PIBF1: variants seen among roughly 807,000 people sequenced by gnomAD.
PIBF1 encodes the protein progesterone-induced-blocking factor 1.
PIBF1 carries 90 observed loss-of-function variants against 112.5 expected under a neutral mutation model. The ratio of observed to expected loss-of-function variants is 0.80; its 90% CI spans 0.67 to 0.95. The LOEUF is 0.95. Ranked by LOEUF, PIBF1 falls within the 40% of genes least tolerant of loss-of-function variation. The pLI, the probability that PIBF1 is intolerant of heterozygous loss-of-function variation, is 0.00. For synonymous variants in PIBF1, 301 were observed against 288.6 expected (o/e 1.04, Z -0.44); for missense variants, 915 against 852.3 (o/e 1.07, Z -0.92).
intron 16 of PIBF1, among the ~76,000 whole-genome samples, chr13:72,987,078 A>C (rs890646208): frequency 3.3e-5 from 5 of 152,214 alleles, no homozygotes; most frequent in African/African-American, 1.2e-4. Context: ...TTCTAGGCCC[A>C]AAAATTTTCA....
intron 10 of PIBF1, among the ~76,000 whole-genome samples, chr13:72,888,321 T>G (rs1004664501): frequency 2.0e-5 from 3 of 152,112 alleles, no homozygotes; most frequent in African/African-American, 7.2e-5. Context: ...AAAGCATAAT[T>G]CATATGTAAT....
intron 10 of PIBF1, among the ~76,000 whole-genome samples, chr13:72,854,614 C>T (rs954314604): frequency 2.6e-5 from 4 of 152,096 alleles, no homozygotes; most frequent in Non-Finnish European, 5.9e-5. Context: ...TTTTATTCAC[C>T]TGTCAATGGT....
intron 14 of PIBF1, among the ~76,000 whole-genome samples, chr13:72,937,518 T>C (rs1008622173): frequency 5.9e-5 from 9 of 152,188 alleles, no homozygotes; most frequent in Non-Finnish European, 1.3e-4. Flanking sequence ...CTGCTATTAT[T>C]ACTTAAACAG....
chr13:72,966,925 A>C lies in PIBF1; in HGVS notation c.1964+1521A>C, dbSNP rs548152168. On this transcript the variant is annotated intron_variant, in intron 15 of 17. Coordinates refer to ENST00000326291, the MANE Select transcript of PIBF1 (RefSeq NM_006346.4). ...CTCTGTCTCAAAAAAATTAAAATTA[A>C]AATTAAATTTTGAATCTTTTTTTTT... is the stretch of plus-strand genomic sequence containing the variant. Among the ~76,000 whole-genome samples the C allele has an allele frequency of 5.3e-5, 8 of 150,624 alleles. No individual in the cohort carries two copies. The East Asian group carries it at 1.5e-3, about 29-fold the overall frequency.
chr13:72,790,421 T>TCACACACA (rs57599910), intron 2 of PIBF1, among the ~76,000 whole-genome samples: 7,496 of 135,494 alleles, frequency 0.055, 243 homozygotes, highest in Non-Finnish European at 0.069. Context: ...GAGGAGTCCA[T>TCACACACA]CACACACACA....
chr13:72,980,094 C>G (rs2043119827), intron 16 of PIBF1, among the ~76,000 whole-genome samples: 1 of 151,932 alleles, frequency 6.6e-6, no homozygotes, highest in Non-Finnish European at 1.5e-5. Flanking sequence ...AAGAAAAGTT[C>G]AAGAAAATAT....
intron 2 of PIBF1, among the ~76,000 whole-genome samples, chr13:72,787,878 T>C (rs1434899342): frequency 1.3e-5 from 2 of 152,162 alleles, no homozygotes; most frequent in Non-Finnish European, 2.9e-5. Context: ...CAGGCTGGTC[T>C]CGAACTCCTG....
intron 10 of PIBF1, among the ~76,000 whole-genome samples, chr13:72,884,231 T>G (rs948561885): frequency 2.0e-5 from 3 of 152,218 alleles, no homozygotes; most frequent in Admixed American, 2.0e-4. Context: ...GTTAGACTCC[T>G]TTCCTTCGTA....
intron 17 of PIBF1, among the ~76,000 whole-genome samples, chr13:73,006,138 C>T (rs560747388): frequency 2.4e-4 from 36 of 151,980 alleles, no homozygotes; most frequent in African/African-American, 7.0e-4. Flanking sequence ...ATGCTGGTCT[C>T]GAACTCTTGA....
intron 11 of PIBF1, among the ~76,000 whole-genome samples, chr13:72,894,792 T>C (rs1333075473): frequency 1.3e-5 from 2 of 148,588 alleles, no homozygotes; most frequent in Non-Finnish European, 3.0e-5. Flanking sequence ...TGTGTGTGTG[T>C]GTGTGTGTGT....
chr13:72,834,106 C>T (rs1045925989), intron 8 of PIBF1, among the ~76,000 whole-genome samples: 2 of 152,096 alleles, frequency 1.3e-5, no homozygotes, highest in Non-Finnish European at 1.5e-5. Context: ...GAAAGTATCT[C>T]TATAGAAGTA....
intron 15 of PIBF1, among the ~76,000 whole-genome samples, chr13:72,967,334 T>C (rs2042770193): frequency 6.6e-6 from 1 of 152,214 alleles, no homozygotes. Context: ...TTCACAGTTA[T>C]CTCCAAACAA....
At chr13:72,968,304 C>G (rs368243335) in intron 15 of PIBF1, among the ~76,000 whole-genome samples, 9 of 143,406 alleles carry the variant, frequency 6.3e-5, no homozygotes, top group Non-Finnish European at 1.1e-4. Context: ...TCTTTTTTTT[C>G]TTTTCTTTTC....
intron 10 of PIBF1, among the ~76,000 whole-genome samples, chr13:72,862,377 G>T (rs1244536922): frequency 1.3e-5 from 2 of 152,222 alleles, no homozygotes; most frequent in Non-Finnish European, 2.9e-5. Context: ...GCTGAGGCAA[G>T]AGAATCGCTA....
chr13:72,948,130 C>T (rs1049629701), intron 14 of PIBF1, among the ~76,000 whole-genome samples: 1 of 150,748 alleles, frequency 6.6e-6, no homozygotes, highest in Admixed American at 6.6e-5. Context: ...CTAGTGTAGA[C>T]GAGTTGATGG....
intron 9 of PIBF1, among the ~76,000 whole-genome samples, chr13:72,842,167 A>G (rs960030427): frequency 2.0e-5 from 3 of 152,184 alleles, no homozygotes; most frequent in Non-Finnish European, 4.4e-5. Flanking sequence ...TTAGGTTATG[A>G]GATAATAAGG....
At chr13:72,952,564 T>C (rs1234613089) in intron 14 of PIBF1, among the ~76,000 whole-genome samples, 1 of 152,092 alleles carries the variant, frequency 6.6e-6, no homozygotes, top group Non-Finnish European at 1.5e-5. Flanking sequence ...TTTTCTGGTT[T>C]CTTCTTATTG....
chr13:72,838,981 ACAGAAG>A (rs1057448136), intron 9 of PIBF1, among the ~76,000 whole-genome samples: 5 of 152,208 alleles, frequency 3.3e-5, no homozygotes, highest in African/African-American at 1.2e-4. Context: ...AAGAGATGAA[ACAGAAG>A]CAGGAAATGG....
chr13:72,953,881 G>A (rs527933071), intron 14 of PIBF1, among the ~76,000 whole-genome samples: 161 of 152,134 alleles, frequency 1.1e-3, no homozygotes, highest in Non-Finnish European at 1.9e-3. Flanking sequence ...TGGGGTCTCA[G>A]GCAATGGGCG....
Sources: gnomAD v4.1 joint callset for allele counts (sites outside exome capture counted in the v4.1 genomes callset) on GRCh38, gnomAD v4.1.1 for gene constraint, MANE v1.5 for transcripts, NCBI Gene and HGNC (gene_info 2026-07-23, HGNC 2026-07-21) for gene names.